Variants in SCAMP5 observed in about 807,000 individuals in gnomAD.
SCAMP5 encodes the protein secretory carrier membrane protein 5.
In SCAMP5, 7 loss-of-function variants were observed where a neutral mutation model predicts 28.3. That is an observed-to-expected ratio of 0.25 (90% CI 0.14 to 0.46). The LOEUF (loss-of-function observed/expected upper bound fraction) is 0.46, where lower values mean the gene tolerates loss of function less well. SCAMP5 is among the 20% of genes least tolerant of loss of function. The probability of loss-of-function intolerance (pLI) is 0.99; values close to 1 mark genes in which losing one functional copy is unlikely to be tolerated. For missense variants in SCAMP5, 192 were observed against 312.5 expected, an observed-to-expected ratio of 0.61 and a Z score of 2.91; for synonymous variants, 117 against 116.4, an observed-to-expected ratio of 1.00 and a Z score of -0.03.
intron 1 of SCAMP5, among the ~76,000 whole-genome samples, chr15:75,008,316 A>T (rs2065780053): frequency 6.6e-6 from 1 of 152,032 alleles, no homozygotes; most frequent in African/African-American, 2.4e-5. Flanking sequence ...CTATTTCATT[A>T]CTTTCTGGTT....
In SCAMP5 at chr15:75,018,857, C is replaced by T; in HGVS notation, c.582C>T (p.Ala194=). 6.3e-7 allele frequency: 1 copy of T among 1,595,548 alleles called. No homozygotes were observed. Among genetic ancestry groups the T allele is most frequent in the Middle Eastern group, 1.7e-4 (1 of 5,990 alleles). Residue 194 remains alanine, a synonymous_variant, in exon 7 of 7, where the codon GCC becomes GCT. Coordinates refer to ENST00000425597, the MANE Select transcript of SCAMP5 (RefSeq NM_138967.4). The surrounding 1 kb of genome is among the most constrained non-coding windows in gnomAD (Gnocchi z 5.6). ...CTCAGGAGGAGTGGACCACAGGGGC[C>T]TGGAAGAATCCACATGTGCAGCAGG... ...SKAQEEWTTG[A]WKNPHVQQAA... is the part of the protein sequence containing the mutation.
intron 3 of SCAMP5, among the ~76,000 whole-genome samples, chr15:75,014,199 G>A (rs1262402621): frequency 6.6e-6 from 1 of 152,166 alleles, no homozygotes; most frequent in Non-Finnish European, 1.5e-5. Flanking sequence ...TACTGTCTTT[G>A]CAGCAGGTCC....
chr15:75,003,269 G>A (rs919965638), intron 1 of SCAMP5, among the ~76,000 whole-genome samples: 1 of 152,140 alleles, frequency 6.6e-6, no homozygotes, highest in Non-Finnish European at 1.5e-5. Context: ...TAAAATAATG[G>A]TCTGTCTTAA....
At chr15:75,009,683 C>A (rs2065793896) in intron 1 of SCAMP5, among the ~76,000 whole-genome samples, 1 of 152,066 alleles carries the variant, frequency 6.6e-6, no homozygotes, top group Non-Finnish European at 1.5e-5. Context: ...ACTGTGTTGG[C>A]CAGACTGGTC....
intron 1 of SCAMP5, among the ~76,000 whole-genome samples, chr15:75,009,079 T>C (rs2065787495): frequency 6.6e-6 from 1 of 152,198 alleles, no homozygotes. Context: ...TACTCATCTT[T>C]TTGGAGACTT....
Position 75,012,825 on chromosome 15 carries a change from G to C in SCAMP5, c.136+20G>C, listed in dbSNP as rs1056181626. The C allele has an allele frequency of 1.2e-6, 2 of 1,613,728 alleles. No homozygotes were observed. The highest frequency in any genetic ancestry group is 1.3e-5 in the African/African-American group (1 of 75,066). ...GGATGTGTGAGTGCCATGGGATGGGGGTGGGCCAGGGTGGCTGGAGGAGGC... is the reference window on the plus strand; with the variant it reads ...GGATGTGTGAGTGCCATGGGATGGGCGTGGGCCAGGGTGGCTGGAGGAGGC... On this transcript the variant is annotated intron_variant, in intron 3 of 6. Coordinates refer to ENST00000425597, the MANE Select transcript of SCAMP5 (RefSeq NM_138967.4).
At chr15:75,010,621 G>A (rs2065802493) in intron 1 of SCAMP5, among the ~76,000 whole-genome samples, 1 of 152,128 alleles carries the variant, frequency 6.6e-6, no homozygotes, top group African/African-American at 2.4e-5. Context: ...GAGACCAGCT[G>A]TGCAACACAG....
At chr15:75,016,877 C>G (rs1369643662) in intron 4 of SCAMP5, 128 bp downstream of exon 4, 1 of 904,714 alleles carries the variant, frequency 1.1e-6, no homozygotes, top group African/African-American at 1.7e-5. Context: ...CCTTGCTCAC[C>G]TTTGGCTCAG....
intron 4 of SCAMP5, among the ~76,000 whole-genome samples, chr15:75,017,005 T>C (rs61668361): frequency 0.023 from 3,423 of 151,998 alleles, 120 homozygotes; most frequent in African/African-American, 0.078. Flanking sequence ...AGACCAGGCC[T>C]ATTTTTTCTT....
At chr15:75,005,981 C>CTTTTTT (rs527501720) in intron 1 of SCAMP5, among the ~76,000 whole-genome samples, 2 of 81,028 alleles carry the variant, frequency 2.5e-5, no homozygotes, top group Non-Finnish European at 4.4e-5. Context: ...CTCGGCCTCC[C>CTTTTTT]TTTTTTTTTT....
At chr15:75,011,247 C>G (rs2065808826) in intron 1 of SCAMP5, among the ~76,000 whole-genome samples, 2 of 151,962 alleles carry the variant, frequency 1.3e-5, no homozygotes, top group Admixed American at 6.6e-5. Context: ...TTCCCTGCCT[C>G]TCCAGACCAG....
intron 2 of SCAMP5, among the ~76,000 whole-genome samples, chr15:75,012,439 T>A (rs2065819811): frequency 6.6e-6 from 1 of 151,794 alleles, no homozygotes; most frequent in Admixed American, 6.6e-5. Context: ...TAAAAAATAA[T>A]AAATGCTGTC....
intron 1 of SCAMP5, among the ~76,000 whole-genome samples, chr15:75,010,137 A>T (rs2065797836): frequency 6.6e-6 from 1 of 152,066 alleles, no homozygotes; most frequent in Admixed American, 6.6e-5. Flanking sequence ...CTTGGCCTTA[A>T]CTTGCCAGTG....
chr15:75,006,540 C>T (rs1167658788), intron 1 of SCAMP5, among the ~76,000 whole-genome samples: 1 of 151,990 alleles, frequency 6.6e-6, no homozygotes, highest in Non-Finnish European at 1.5e-5. Context: ...GTAATCCCAG[C>T]ACTTTGGGAG....
At position 75,016,583 on chromosome 15, in the gene SCAMP5, G is replaced by A; in HGVS notation, c.137-10G>A. ...TGTCTCTATGTGTGCATGTGCTCCT[G>A]GGCCTGCAGTGAACAGCGTCACGCT... On this transcript the variant is annotated splice_polypyrimidine_tract_variant and intron_variant, in intron 3 of 6. Transcript: ENST00000425597. 3 of 1,610,092 alleles carry A rather than the reference G, an allele frequency of 1.9e-6. No homozygotes were observed. The highest frequency in any genetic ancestry group is 2.5e-6 in the Non-Finnish European group (3 of 1,178,628).
Position 75,020,150 on chromosome 15 carries a change from T to G in SCAMP5, c.*1167T>G, listed in dbSNP as rs1016028881. 5 of 151,800 alleles carry G rather than the reference T, an allele frequency of 3.3e-5. No individual in the cohort carries two copies. The highest frequency in any genetic ancestry group is 9.7e-5 in the African/African-American group (4 of 41,182). 9.4% of individuals were successfully genotyped at this position (151,800 alleles called of 1,614,324 possible). ...GATTGGTCCCTGGGGAAGGTCTGGC[T>G]GGCTCCAGCACAGTGAGGCATTTAG... On this transcript the variant is annotated 3_prime_UTR_variant, in exon 7 of 7. Coordinates refer to ENST00000425597, the MANE Select transcript of SCAMP5 (RefSeq NM_138967.4).
chr15:75,015,553 G>A (rs1275991077), intron 3 of SCAMP5, among the ~76,000 whole-genome samples: 3 of 152,114 alleles, frequency 2.0e-5, no homozygotes, highest in Non-Finnish European at 4.4e-5. Flanking sequence ...GTCTGTAGAA[G>A]GTCAGAGGGA....
chr15:75,012,001 G>C (rs948682625), intron 2 of SCAMP5, among the ~76,000 whole-genome samples, 155 bp downstream of exon 2: 1 of 152,178 alleles, frequency 6.6e-6, no homozygotes, highest in African/African-American at 2.4e-5. Context: ...ACTGAGGCCT[G>C]TCTGAGAACT....
At chr15:74,999,573 G>A (rs776638231) in intron 1 of SCAMP5, among the ~76,000 whole-genome samples, 21 of 151,728 alleles carry the variant, frequency 1.4e-4, no homozygotes, top group Non-Finnish European at 2.8e-4. Flanking sequence ...CAGCCTGGGC[G>A]ACAGAGCGAG....
Sources: allele counts gnomAD v4.1 joint callset (sites outside exome capture counted in the v4.1 genomes callset), GRCh38; gene constraint gnomAD v4.1.1; non-coding constraint Gnocchi (gnomAD v3.1); transcripts MANE v1.5; gene names NCBI Gene and HGNC (gene_info 2026-07-23, HGNC 2026-07-21).